The following CCSER1 variants were observed in gnomAD, a reference collection of about 807,000 sequenced individuals.
CCSER1 encodes the protein serine-rich coiled-coil domain-containing protein 1.
A neutral mutation model predicts 82.0 loss-of-function variants in CCSER1; 41 were observed. The ratio of observed to expected loss-of-function variants is 0.50; its 90% confidence interval spans 0.39 to 0.65. CCSER1 has a LOEUF of 0.65. Among genes scored for constraint, CCSER1 ranks in the 30% least tolerant of loss-of-function variants. CCSER1 has a pLI of 0.00. For synonymous variants in CCSER1, 414 were observed against 383.9 expected, an observed-to-expected ratio of 1.08 and a Z score of -0.92; for missense variants, 1,119 against 1,064.2, an observed-to-expected ratio of 1.05 and a Z score of -0.72.
At chr4:90,635,930 A>G (rs754853528) in intron 6 of CCSER1, among the ~76,000 whole-genome samples, 3 of 151,926 alleles carry the variant, frequency 2.0e-5, no homozygotes, top group Non-Finnish European at 4.4e-5. Flanking sequence ...CTAATAAAAG[A>G]AGGGCAAATT....
At chr4:90,343,277 T>G (rs1741746790) in intron 3 of CCSER1, among the ~76,000 whole-genome samples, 1 of 152,226 alleles carries the variant, frequency 6.6e-6, no homozygotes, top group Non-Finnish European at 1.5e-5. Context: ...CAGTCTGCCT[T>G]CCTTCCATTC....
intron 10 of CCSER1, among the ~76,000 whole-genome samples, chr4:91,117,872 T>A (rs1279193201): frequency 6.6e-6 from 1 of 152,220 alleles, no homozygotes; most frequent in Non-Finnish European, 1.5e-5. Context: ...GAAAATATTA[T>A]CCCTTACTTT....
At chr4:90,857,291 G>A (rs901536874) in intron 8 of CCSER1, among the ~76,000 whole-genome samples, 1 of 151,980 alleles carries the variant, frequency 6.6e-6, no homozygotes, top group Non-Finnish European at 1.5e-5. Flanking sequence ...ATGGTCTTTG[G>A]CAGGATTTAG....
chr4:90,658,942 G>A (rs999493387), intron 6 of CCSER1, among the ~76,000 whole-genome samples: 3 of 152,110 alleles, frequency 2.0e-5, no homozygotes, highest in South Asian at 4.2e-4. Flanking sequence ...AGAGATCTCA[G>A]TGTATGTACT....
intron 10 of CCSER1, among the ~76,000 whole-genome samples, chr4:91,263,812 T>G (rs972209009): frequency 6.6e-6 from 1 of 151,880 alleles, no homozygotes; most frequent in African/African-American, 2.4e-5. Flanking sequence ...GCTGGAAAAA[T>G]TCTCCTACTT....
At chr4:91,045,873 G>A (rs1008484650) in intron 9 of CCSER1, among the ~76,000 whole-genome samples, 1 of 146,702 alleles carries the variant, frequency 6.8e-6, no homozygotes, top group Non-Finnish European at 1.5e-5. Context: ...CAGGTGGGCT[G>A]AGTCAGAAAA....
intron 1 of CCSER1, among the ~76,000 whole-genome samples, chr4:90,236,424 G>A (rs964935297): frequency 1.3e-5 from 2 of 151,858 alleles, no homozygotes; most frequent in African/African-American, 4.8e-5. Flanking sequence ...AGGGGGTGGG[G>A]GTAAAAGAAA....
rs575502789 is a variant in CCSER1, at chr4:91,175,137, A to G, written c.2217+89143A>G. On this transcript the variant is annotated intron_variant, in intron 10 of 10. Transcript: ENST00000509176. ...GGTTTCCAGCTTCATCCATGTCCCT[A>G]TAAAGGACATGAACTCATCCTTTTT... 3.0e-3 allele frequency among the ~76,000 whole-genome samples: 454 copies of G among 152,226 alleles called. 1 individual carries two copies. Among genetic ancestry groups the G allele is most frequent in the African/African-American group, 0.01 (428 of 41,538 alleles).
In CCSER1 at chr4:90,916,066, TATC is replaced by T. The variant is rs1204244080; in HGVS notation, c.2095-7301_2095-7299del. Among the ~76,000 whole-genome samples, 5 of 152,106 alleles carry T rather than the reference TATC, an allele frequency of 3.3e-5. 1 individual carries two copies. In the East Asian group the frequency reaches 9.6e-4, roughly 29 times the overall value. The stretch of plus-strand genomic sequence containing the variant: ...CATGCTCATGGATAGGAAGAATCAA[TATC>T]ATGAAAATGGCCATACTACCCAAGG... On this transcript the variant is annotated intron_variant, in intron 8 of 10. Coordinates refer to ENST00000509176, the MANE Select transcript of CCSER1 (RefSeq NM_001145065.2).
chr4:90,377,216 CA>C (rs1486148793), intron 3 of CCSER1, among the ~76,000 whole-genome samples: 1 of 152,176 alleles, frequency 6.6e-6, no homozygotes, highest in African/African-American at 2.4e-5. Flanking sequence ...TCAGACACTG[CA>C]CACACATTCT....
intron 10 of CCSER1, among the ~76,000 whole-genome samples, chr4:91,136,997 A>G (rs114145836): frequency 0.024 from 3,111 of 132,314 alleles, 71 homozygotes; most frequent in South Asian, 0.13. Context: ...GATTATAGAA[A>G]TGTTTATAAA....
chr4:90,294,994 A>G (rs1193289901), intron 1 of CCSER1, among the ~76,000 whole-genome samples: 1 of 152,028 alleles, frequency 6.6e-6, no homozygotes, highest in Non-Finnish European at 1.5e-5. Flanking sequence ...TATTAACACA[A>G]TGCCTTGGAA....
chr4:90,402,938 G>A (rs1753106566), intron 4 of CCSER1, among the ~76,000 whole-genome samples: 1 of 152,158 alleles, frequency 6.6e-6, no homozygotes, highest in Admixed American at 6.5e-5. Flanking sequence ...TGAATCAACT[G>A]AGTCATATAA....
intron 5 of CCSER1, among the ~76,000 whole-genome samples, chr4:90,591,441 C>A (rs997556204): frequency 2.0e-5 from 3 of 152,044 alleles, no homozygotes; most frequent in Non-Finnish European, 2.9e-5. Context: ...AAAAAGCTCA[C>A]CATCACTGGT....
In CCSER1 at chr4:90,741,925, G is replaced by T. The variant is rs539460634; in HGVS notation, c.2010+17934G>T. The stretch of plus-strand genomic sequence containing the variant: ...TAGTTCATTCTCACACTGCTTTAAA[G>T]AACTACCTGAGACTGAGTAATTTAT... On this transcript the variant is annotated intron_variant, in intron 7 of 10. Coordinates refer to ENST00000509176, the MANE Select transcript of CCSER1 (RefSeq NM_001145065.2). Among the ~76,000 whole-genome samples the T allele has an allele frequency of 2.2e-4, 34 of 152,276 alleles. No individual in the cohort carries two copies. The South Asian group carries it at 6.8e-3, about 31-fold the overall frequency.
At chr4:91,076,321 CA>C (rs1721990903) in intron 9 of CCSER1, among the ~76,000 whole-genome samples, 1 of 113,952 alleles carries the variant, frequency 8.8e-6, no homozygotes, top group South Asian at 2.7e-4. Flanking sequence ...TTCCATATTC[CA>C]ACCATGCAGT....
intron 9 of CCSER1, among the ~76,000 whole-genome samples, chr4:91,071,698 G>C (rs1348060198): frequency 2.6e-5 from 4 of 151,878 alleles, no homozygotes; most frequent in Admixed American, 6.6e-5. Context: ...TAGCTTACTA[G>C]ATAGATTGAT....
At chr4:90,300,040 A>G (rs1270951840) in intron 1 of CCSER1, among the ~76,000 whole-genome samples, 1 of 152,070 alleles carries the variant, frequency 6.6e-6, no homozygotes, top group Non-Finnish European at 1.5e-5. Context: ...TGTGGTCATT[A>G]AGGCTCTACC....
intron 10 of CCSER1, among the ~76,000 whole-genome samples, chr4:91,328,007 A>G (rs1260662229): frequency 6.6e-6 from 1 of 152,222 alleles, no homozygotes; most frequent in African/African-American, 2.4e-5. Context: ...CCATGTAACT[A>G]TCAGAATTTT....
Sources: allele counts gnomAD v4.1 joint callset (sites outside exome capture counted in the v4.1 genomes callset), GRCh38; gene constraint gnomAD v4.1.1; transcripts MANE v1.5; gene names NCBI Gene and HGNC (gene_info 2026-07-23, HGNC 2026-07-21).